The following ADGRV1 variants were observed in gnomAD, a reference collection of about 807,000 sequenced individuals.
ADGRV1 encodes the protein adhesion G protein-coupled receptor V1.
In ADGRV1, 359 loss-of-function variants were observed where a neutral mutation model predicts 596.2. The observed-to-expected ratio is 0.60, with a 90% CI of 0.55 to 0.66. The LOEUF (loss-of-function observed/expected upper bound fraction) is 0.66. ADGRV1 is among the 30% of genes least tolerant of loss of function. The pLI is 0.00. For synonymous variants in ADGRV1, 2,681 were observed against 2,679.2 expected, an observed-to-expected ratio of 1.00 and a Z score of -0.02; for missense variants, 7,274 against 7,575.6, an observed-to-expected ratio of 0.96 and a Z score of 1.48.
At chr5:90,847,027 ACTTACAAAC>A (rs1317966856) in intron 78 of ADGRV1, among the ~76,000 whole-genome samples, 1 of 150,632 alleles carries the variant, frequency 6.6e-6, no homozygotes, top group Non-Finnish European at 1.5e-5. Context: ...TGATTGGTGC[ACTTACAAAC>A]CTTGAGCTAG....
intron 85 of ADGRV1, among the ~76,000 whole-genome samples, chr5:91,052,223 A>G (rs1334858326): frequency 1.3e-5 from 2 of 152,168 alleles, no homozygotes; most frequent in Non-Finnish European, 1.5e-5. Flanking sequence ...AAAGGGAGCT[A>G]CAAGAAATAA....
intron 85 of ADGRV1, among the ~76,000 whole-genome samples, chr5:91,052,951 T>C (rs1365150063): frequency 6.6e-6 from 1 of 152,218 alleles, no homozygotes; most frequent in African/African-American, 2.4e-5. Flanking sequence ...TTTCTTCAGC[T>C]GTTAAGTTTT....
intron 10 of ADGRV1, among the ~76,000 whole-genome samples, chr5:90,635,901 C>G (rs1296640065): frequency 6.9e-6 from 1 of 144,388 alleles, no homozygotes; most frequent in South Asian, 2.3e-4. Flanking sequence ...GGCCTATAAA[C>G]CTTTTTTTTT....
Position 91,075,807 on chromosome 5 carries a change from A to C in ADGRV1, c.18310+3203A>C, listed in dbSNP as rs190343759. On this transcript the variant is annotated intron_variant, in intron 86 of 89. Transcript: ENST00000405460. ...CAGTCAAGGTTTCTCTCATTGCCCCAAAAAAAAGTCCAGTCCCTTTAGCTT... is the reference window on the plus strand; with the variant it reads ...CAGTCAAGGTTTCTCTCATTGCCCCCAAAAAAAGTCCAGTCCCTTTAGCTT... Among the ~76,000 whole-genome samples, 1,272 of 147,268 alleles carry C rather than the reference A, an allele frequency of 8.6e-3. 8 individuals carry two copies. The highest frequency in any genetic ancestry group is 9.5e-3 in the Non-Finnish European group (644 of 67,918).
rs190440358 is a variant in ADGRV1, at chr5:90,609,128, G to T, written c.23-5707G>T. Reference sequence around the variant, plus strand: ...CTTCTGTAGGAATACATATATTTCTGTATATATGTACACACATAAACAATC... The same window carrying T: ...CTTCTGTAGGAATACATATATTTCTTTATATATGTACACACATAAACAATC... On this transcript the variant is annotated intron_variant, in intron 1 of 89. Coordinates refer to ENST00000405460, the MANE Select transcript of ADGRV1 (RefSeq NM_032119.4). Among the ~76,000 whole-genome samples, 1,131 of 152,096 alleles carry T rather than the reference G, an allele frequency of 7.4e-3. 9 individuals carry two copies. The highest frequency in any genetic ancestry group is 0.01 in the Non-Finnish European group (691 of 67,920).
At chr5:90,609,352 T>C (rs913229572) in intron 1 of ADGRV1, among the ~76,000 whole-genome samples, 2 of 151,944 alleles carry the variant, frequency 1.3e-5, no homozygotes, top group African/African-American at 4.8e-5. Context: ...TAAAAATAAA[T>C]AAAAATAAAG....
rs554253879 is a variant in ADGRV1 at position 90,619,074 on chromosome 5, A to T, written c.358-12A>T. 3.2e-5 allele frequency: 41 copies of T among 1,281,564 alleles called. No homozygotes were observed. The South Asian group carries it at 7.0e-4, about 22-fold the overall frequency. 79.4% of individuals were successfully genotyped at this position (1,281,564 alleles called of 1,614,324 possible). A position where few individuals can be genotyped will look rare whatever the true frequency, so the allele number is the denominator to read the frequency against. On this transcript the variant is annotated splice_polypyrimidine_tract_variant and intron_variant, in intron 3 of 89. Transcript: ENST00000405460. ...TTTAATTCATTATTTTATTTTTGGG[A>T]TTTTATTTTAGAAACCTTCAGCAAA... is the stretch of plus-strand genomic sequence containing the variant.
chr5:90,877,053 G>C (rs1769282406), intron 83 of ADGRV1, among the ~76,000 whole-genome samples: 1 of 152,134 alleles, frequency 6.6e-6, no homozygotes, highest in Non-Finnish European at 1.5e-5. Context: ...AACCAAAAAA[G>C]AGTTATTAAT....
intron 45 of ADGRV1, among the ~76,000 whole-genome samples, chr5:90,721,534 A>ATT (rs60530152): frequency 1.6e-4 from 2 of 12,808 alleles, no homozygotes; most frequent in African/African-American, 9.5e-4. Flanking sequence ...TAAAAATAAA[A>ATT]ATAAAATAAA....
intron 50 of ADGRV1, among the ~76,000 whole-genome samples, chr5:90,731,636 C>G (rs1752559621): frequency 6.6e-6 from 1 of 152,152 alleles, no homozygotes; most frequent in Non-Finnish European, 1.5e-5. Context: ...GTGCCAGCGA[C>G]AGAGGATTTG....
At chr5:91,008,007 C>T (rs564365899) in intron 85 of ADGRV1, among the ~76,000 whole-genome samples, 14 of 152,280 alleles carry the variant, frequency 9.2e-5, no homozygotes, top group East Asian at 1.9e-4. Context: ...TTCTATGACA[C>T]GTCCTCAGGA....
Position 90,781,511 on chromosome 5 carries a change from C to T in ADGRV1, c.13164C>T (p.Ile4388=). The T allele has an allele frequency of 6.2e-7, 1 of 1,611,100 alleles. No homozygotes were observed. The highest frequency in any genetic ancestry group is 8.5e-7 in the Non-Finnish European group (1 of 1,178,384). Residue 4388 remains isoleucine, a synonymous_variant, in exon 65 of 90, where the codon ATC becomes ATT. Transcript: ENST00000405460. ...PEIGNISIVR[I]IIMKNDNAEG... is the part of the protein sequence containing the mutation. ...TAGGAAACATCTCCATTGTTCGCAT[C>T]ATAATAATGAAAAATGATAACGCAG... is the stretch of plus-strand genomic sequence containing the variant.
intron 85 of ADGRV1, among the ~76,000 whole-genome samples, chr5:91,045,364 G>A (rs546202321): frequency 6.6e-6 from 1 of 152,218 alleles, no homozygotes; most frequent in African/African-American, 2.4e-5. Flanking sequence ...TTCATACCAG[G>A]CATGCAGGGA....
At chr5:91,012,496 A>G (rs1439323407) in intron 85 of ADGRV1, among the ~76,000 whole-genome samples, 1 of 151,676 alleles carries the variant, frequency 6.6e-6, no homozygotes, top group African/African-American at 2.4e-5. Context: ...TCCCCTATGA[A>G]TAGCTATTTA....
chr5:90,608,365 A>G (rs1762354085), intron 1 of ADGRV1, among the ~76,000 whole-genome samples: 1 of 152,090 alleles, frequency 6.6e-6, no homozygotes, highest in South Asian at 2.1e-4. Context: ...TAATTCCAAG[A>G]TGCATCATTC....
intron 83 of ADGRV1, chr5:90,929,599 A>T (rs10035662): frequency 0.014 from 2,209 of 154,488 alleles, 44 homozygotes; most frequent in African/African-American, 0.051. Context: ...CTTCTGCGTC[A>T]CTCAGGCTGG....
At chr5:90,986,000 A>G (rs945634342) in intron 85 of ADGRV1, among the ~76,000 whole-genome samples, 1 of 151,790 alleles carries the variant, frequency 6.6e-6, no homozygotes, top group South Asian at 2.1e-4. Flanking sequence ...AGACAAGATC[A>G]CCTTGGTCTT....
At chr5:90,772,648 T>G (rs1757814198) in intron 59 of ADGRV1, among the ~76,000 whole-genome samples, 1 of 152,212 alleles carries the variant, frequency 6.6e-6, no homozygotes, top group African/African-American at 2.4e-5. Context: ...ATATTGATTT[T>G]GGGGTTACAA....
At chr5:90,662,188 T>A (rs941151279) in intron 21 of ADGRV1, among the ~76,000 whole-genome samples, 1 of 18,606 alleles carries the variant, frequency 5.4e-5, no homozygotes, top group Non-Finnish European at 7.7e-5. Flanking sequence ...GTTAAACAAC[T>A]TTTTTTTTTT....
Sources: gnomAD v4.1 joint callset for allele counts (sites outside exome capture counted in the v4.1 genomes callset) on GRCh38, gnomAD v4.1.1 for gene constraint, MANE v1.5 for transcripts, NCBI Gene and HGNC (gene_info 2026-07-23, HGNC 2026-07-21) for gene names.